Variants in AGO2 observed in about 807,000 individuals in gnomAD.
AGO2 encodes the protein argonaute RISC catalytic component 2.
A neutral mutation model predicts 102.3 loss-of-function variants in AGO2; 5 were observed. The observed-to-expected ratio is 0.05, with a 90% confidence interval of 0.03 to 0.10. AGO2 has a LOEUF of 0.10. AGO2 is among the 10% of genes least tolerant of loss of function. The probability of loss-of-function intolerance (pLI) is 1.00; values close to 1 mark genes in which losing one functional copy is unlikely to be tolerated. For synonymous variants in AGO2, 449 were observed against 473.1 expected, an observed-to-expected ratio of 0.95 and a Z score of 0.66; for missense variants, 541 against 1,183.7, an observed-to-expected ratio of 0.46 and a Z score of 7.97.
In AGO2 at chr8:140,525,301, T is replaced by C. The variant is rs748952727; in HGVS notation, c.*6743A>G. 6.6e-6 allele frequency: 1 copy of C among 152,216 alleles called. No individual in the cohort carries two copies. Among genetic ancestry groups the C allele is most frequent in the Non-Finnish European group, 1.5e-5 (1 of 68,064 alleles). The allele number at this position is 152,216 out of a possible 1,614,324, so 9.4% of individuals were successfully genotyped here. A position where few individuals can be genotyped will look rare whatever the true frequency, so the allele number is the denominator to read the frequency against. ...GTGGATCTGCGTGCTGCAGCTCCCA[T>C]GACTGAGTCGAGGGGCGAGCGGCTG... On this transcript the variant is annotated 3_prime_UTR_variant, in exon 19 of 19. Coordinates refer to ENST00000220592, the MANE Select transcript of AGO2 (RefSeq NM_012154.5).
At chr8:140,629,252 C>T (rs995622455) in intron 1 of AGO2, among the ~76,000 whole-genome samples, 7 of 152,284 alleles carry the variant, frequency 4.6e-5, no homozygotes, top group Admixed American at 2.6e-4. Context: ...ACCTCGGCTC[C>T]GGCTGTCACT....
intron 4 of AGO2, among the ~76,000 whole-genome samples, chr8:140,561,908 C>T (rs775364582): frequency 8.5e-5 from 13 of 152,222 alleles, no homozygotes; most frequent in Non-Finnish European, 1.2e-4. Flanking sequence ...CAACAGCGGG[C>T]CACTCAGGAA....
intron 1 of AGO2, among the ~76,000 whole-genome samples, chr8:140,601,069 G>A (rs1462344006): frequency 6.6e-6 from 1 of 152,194 alleles, no homozygotes; most frequent in Non-Finnish European, 1.5e-5. Flanking sequence ...TGTCCACACA[G>A]CAGCCAGAGA....
intron 5 of AGO2, among the ~76,000 whole-genome samples, chr8:140,560,082 C>G (rs1471960439): frequency 6.6e-6 from 1 of 152,218 alleles, no homozygotes; most frequent in Non-Finnish European, 1.5e-5. Context: ...TACAGTCAAA[C>G]CCAGGCCTAC....
At chr8:140,537,581 C>T (rs926431683) in intron 16 of AGO2, among the ~76,000 whole-genome samples, 32 of 152,078 alleles carry the variant, frequency 2.1e-4, no homozygotes, top group African/African-American at 5.8e-4. Flanking sequence ...GGATTACAGG[C>T]GTGAGTCACT....
chr8:140,556,351 G>A (rs2073094214), intron 8 of AGO2, 65 bp from the exon 9 acceptor site: 2 of 1,588,702 alleles, frequency 1.3e-6, no homozygotes, highest in Non-Finnish European at 1.7e-6. Context: ...AGCAGGCAGG[G>A]GGCTCAGGGG....
intron 1 of AGO2, among the ~76,000 whole-genome samples, chr8:140,608,829 T>C (rs1380386779): frequency 1.3e-5 from 2 of 152,198 alleles, no homozygotes; most frequent in Non-Finnish European, 2.9e-5. Flanking sequence ...TAGAACAGCA[T>C]CCTGGTAATG....
At chr8:140,634,864 C>A (rs1377234821) in intron 1 of AGO2, among the ~76,000 whole-genome samples, 1 of 152,186 alleles carries the variant, frequency 6.6e-6, no homozygotes, top group East Asian at 1.9e-4. Context: ...CATTTCCAGA[C>A]TTTCCTTGGG....
intron 1 of AGO2, among the ~76,000 whole-genome samples, chr8:140,606,575 T>C (rs949158670): frequency 7.2e-5 from 11 of 152,252 alleles, no homozygotes; most frequent in African/African-American, 2.7e-4. Context: ...AAACTAAGCC[T>C]ATACATTCTG....
Position 140,539,329 on chromosome 8 carries a change from C to T in AGO2, c.2160G>A (p.Lys720=), listed in dbSNP as rs573233696. The T allele has an allele frequency of 6.2e-7, 1 of 1,609,814 alleles. No homozygotes were observed. The highest frequency in any genetic ancestry group is 2.2e-5 in the East Asian group (1 of 44,816). Residue 720 remains lysine (K), a synonymous_variant, in exon 16 of 19, where the codon AAG becomes AAA. Coordinates refer to ENST00000220592, the MANE Select transcript of AGO2 (RefSeq NM_012154.5). This position sits in a 1 kb window ranked among gnomAD's most constrained non-coding sequence, Gnocchi z 4.7. ...TCATGCAGAAACTCACCCGCTCGTT[C>T]TTGTCAGTGCAGAAGAGCCGGGTGT... The part of the protein sequence containing the change: ...RHHTRLFCTD[K]NERVGKSGNI...
chr8:140,542,979 A>G (rs2072828316), intron 14 of AGO2, among the ~76,000 whole-genome samples: 1 of 152,166 alleles, frequency 6.6e-6, no homozygotes. Context: ...TCTCTATAAA[A>G]TACAAAATTT....
chr8:140,635,972 G>A (rs1221131252), upstream of AGO2, among the ~76,000 whole-genome samples: 4 of 150,338 alleles, frequency 2.7e-5, no homozygotes, highest in Admixed American at 6.6e-5. Context: ...GCCACCCAGA[G>A]AAGCCGCGTC....
chr8:140,635,964 C>T (rs2074404431), upstream of AGO2, among the ~76,000 whole-genome samples: 1 of 149,820 alleles, frequency 6.7e-6, no homozygotes, highest in South Asian at 2.1e-4. Context: ...CCTTCACTGC[C>T]ACCCAGAGAA....
intron 1 of AGO2, among the ~76,000 whole-genome samples, chr8:140,585,590 G>A (rs144760046): frequency 4.1e-4 from 63 of 152,262 alleles, no homozygotes; most frequent in African/African-American, 1.5e-3. Flanking sequence ...TTACTAGCAC[G>A]GGAGACAAGG....
chr8:140,588,770 C>T (rs2073702436), intron 1 of AGO2, among the ~76,000 whole-genome samples: 1 of 152,248 alleles, frequency 6.6e-6, no homozygotes, highest in East Asian at 1.9e-4. Flanking sequence ...CGATGGCTCC[C>T]CGGGGCCCAG....
At chr8:140,560,288 C>T (rs924197523) in intron 5 of AGO2, 86 bp downstream of exon 5, 1 of 1,547,178 alleles carries the variant, frequency 6.5e-7, no homozygotes, top group Non-Finnish European at 8.7e-7. Flanking sequence ...GTGGAGCTGG[C>T]CACATGCCAC....
At chr8:140,577,207 C>CAAAAAAAAAA (rs10661844) in intron 2 of AGO2, among the ~76,000 whole-genome samples, 7 of 70,736 alleles carry the variant, frequency 9.9e-5, no homozygotes, top group Admixed American at 3.5e-4. Flanking sequence ...GACTCCATCT[C>CAAAAAAAAAA]AAAAAAAAAA....
rs1361651260 is a variant in AGO2 at position 140,528,678 on chromosome 8, T to C, written c.*3366A>G. ...CCTGATGTGCAATCAAAAGGCTGCATGTAAAGACTGCTTGAACCAGAGAAA... is the reference window on the plus strand; with the variant it reads ...CCTGATGTGCAATCAAAAGGCTGCACGTAAAGACTGCTTGAACCAGAGAAA... On this transcript the variant is annotated 3_prime_UTR_variant, in exon 19 of 19. Coordinates refer to ENST00000220592, the MANE Select transcript of AGO2 (RefSeq NM_012154.5). This position sits in a 1 kb window ranked among gnomAD's most constrained non-coding sequence, Gnocchi z 4.5. The C allele has an allele frequency of 2.0e-5, 3 of 152,144 alleles. No individual in the cohort carries two copies. Among genetic ancestry groups the C allele is most frequent in the African/African-American group, 7.2e-5 (3 of 41,416 alleles). 9.4% of individuals were successfully genotyped at this position (152,144 alleles called of 1,614,324 possible). A position where few individuals can be genotyped will look rare whatever the true frequency, so the allele number is the denominator to read the frequency against.
Position 140,520,515 on chromosome 8 carries a change from A to C in AGO2, c.*11529T>G, listed in dbSNP as rs2072398330. 1 of 152,168 alleles carries C rather than the reference A, an allele frequency of 6.6e-6. No individual in the cohort carries two copies. The highest frequency in any genetic ancestry group is 1.5e-5 in the Non-Finnish European group (1 of 68,046). 9.4% of individuals were successfully genotyped at this position (152,168 alleles called of 1,614,324 possible). On this transcript the variant is annotated 3_prime_UTR_variant, in exon 19 of 19. Transcript: ENST00000220592. ...AGTTTCTCAGCATTTAGCTTTCTTC[A>C]CCAGTTTTATCTTGACAATCAAGAC...
Sources: allele counts gnomAD v4.1 joint callset (sites outside exome capture counted in the v4.1 genomes callset), GRCh38; gene constraint gnomAD v4.1.1; non-coding constraint Gnocchi (gnomAD v3.1); transcripts MANE v1.5; gene names NCBI Gene and HGNC (gene_info 2026-07-23, HGNC 2026-07-21).